The following RGL1 variants were observed in gnomAD, a reference collection of about 807,000 sequenced individuals.
RGL1 encodes ral guanine nucleotide dissociation stimulator like 1, also known as ral guanine nucleotide dissociation stimulator-like 1.
Under a neutral mutation model 95.2 loss-of-function variants are expected in RGL1, and 24 were observed. The observed-to-expected ratio is 0.25, with a 90% CI of 0.18 to 0.35. RGL1 has a LOEUF of 0.35. Ranked by LOEUF, RGL1 falls within the 10% of genes least tolerant of loss-of-function variation. The pLI, the probability that RGL1 is intolerant of heterozygous loss-of-function variation, is 1.00. For synonymous variants in RGL1, 329 were observed against 344.9 expected (o/e 0.95, Z 0.51); for missense variants, 715 against 936.3 (o/e 0.76, Z 3.08).
At chr1:183,680,328 T>C (rs754938126) in intron 1 of RGL1, among the ~76,000 whole-genome samples, 9 of 152,332 alleles carry the variant, frequency 5.9e-5, no homozygotes, top group Non-Finnish European at 1.3e-4. Flanking sequence ...TAGGTTTTCT[T>C]CTAGGGTTTT....
At chr1:183,915,507 T>G (rs1457818363) in intron 15 of RGL1, among the ~76,000 whole-genome samples, 5 of 152,236 alleles carry the variant, frequency 3.3e-5, no homozygotes, top group Non-Finnish European at 7.3e-5. Flanking sequence ...TAATTGTCCT[T>G]GATACACATC....
intron 1 of RGL1, among the ~76,000 whole-genome samples, chr1:183,702,808 G>T (rs139747598): frequency 6.6e-6 from 1 of 152,158 alleles, no homozygotes; most frequent in Non-Finnish European, 1.5e-5. Context: ...CCCTGAAAGC[G>T]CACCAACGAA....
chr1:183,708,572 T>A (rs1655065037), intron 1 of RGL1, among the ~76,000 whole-genome samples: 1 of 152,192 alleles, frequency 6.6e-6, no homozygotes, highest in African/African-American at 2.4e-5. Context: ...ACCAAGCTCC[T>A]GCCCAGCCTA....
At chr1:183,728,181 G>C (rs1270103750) in intron 1 of RGL1, among the ~76,000 whole-genome samples, 1 of 152,146 alleles carries the variant, frequency 6.6e-6, no homozygotes, top group African/African-American at 2.4e-5. Flanking sequence ...ACTTGAACTG[G>C]AACGTATATC....
At chr1:183,763,294 G>A (rs886982319) in intron 2 of RGL1, among the ~76,000 whole-genome samples, 13 of 152,178 alleles carry the variant, frequency 8.5e-5, no homozygotes, top group East Asian at 3.9e-4. Context: ...TGTAGATGAC[G>A]GGTTGATGGG....
exon 2 of RGL1, chr1:183,742,168 A>C: frequency 6.2e-7 from 1 of 1,614,032 alleles, no homozygotes; most frequent in Non-Finnish European, 8.5e-7. Context: ...ATGGAGGTGA[A>C]ACCTGTGGGA....
intron 2 of RGL1, among the ~76,000 whole-genome samples, chr1:183,773,015 C>CAAAAAAAAAAAAAAAAA (rs60100787): frequency 4.1e-5 from 3 of 72,444 alleles, no homozygotes; most frequent in African/African-American, 9.3e-5. Flanking sequence ...GACTCCGTCT[C>CAAAAAAAAAAAAAAAAA]AAAAAAAAAA....
intron 3 of RGL1, among the ~76,000 whole-genome samples, chr1:183,850,869 G>A (rs1664787716): frequency 6.6e-6 from 1 of 152,146 alleles, no homozygotes; most frequent in Non-Finnish European, 1.5e-5. Flanking sequence ...TTTGGAATTG[G>A]TAACCTCTTC....
intron 1 of RGL1, among the ~76,000 whole-genome samples, chr1:183,731,016 C>A (rs1572341698): frequency 6.6e-6 from 1 of 152,064 alleles, no homozygotes; most frequent in Non-Finnish European, 1.5e-5. Context: ...TTAAGTTTTG[C>A]AAGTGTATAA....
At chr1:183,893,986 G>C (rs1667558486) in intron 9 of RGL1, among the ~76,000 whole-genome samples, 1 of 152,222 alleles carries the variant, frequency 6.6e-6, no homozygotes, top group Non-Finnish European at 1.5e-5. Flanking sequence ...GGTGATATGA[G>C]AAGGGCAGTA....
intron 3 of RGL1, among the ~76,000 whole-genome samples, chr1:183,848,540 G>T (rs186247467): frequency 2.0e-5 from 3 of 152,102 alleles, no homozygotes; most frequent in Admixed American, 6.6e-5. Context: ...AATGAGATAC[G>T]GCTTTCTGTT....
chr1:183,885,002 G>A lies in RGL1; in HGVS notation c.951+64G>A, dbSNP rs1007495715. The A allele has an allele frequency of 9.2e-5, 125 of 1,360,522 alleles. No individual in the cohort carries two copies. In the African/African-American group the frequency reaches 1.0e-3, roughly 11 times the overall value. The allele number at this position is 1,360,522 out of a possible 1,614,324, so 84.3% of individuals were successfully genotyped here. A position where few individuals can be genotyped will look rare whatever the true frequency, so the allele number is the denominator to read the frequency against. ...ATGCAAGAGACTGCTCCATCACTTC[G>A]TTTAAATGGTTTAGCTGTTTGGTTG... is the stretch of plus-strand genomic sequence containing the variant. On this transcript the variant is annotated intron_variant, in intron 7 of 17. Transcript: ENST00000360851.
chr1:183,708,085 G>A (rs1442399471), intron 1 of RGL1, among the ~76,000 whole-genome samples: 1 of 152,158 alleles, frequency 6.6e-6, no homozygotes, highest in African/African-American at 2.4e-5. Context: ...TGGGCCATTT[G>A]GACCTGTTAT....
intron 10 of RGL1, 69 bp downstream of exon 10, chr1:183,897,966 A>G: frequency 1.5e-6 from 2 of 1,303,320 alleles, no homozygotes; most frequent in Non-Finnish European, 2.2e-6. Context: ...GGGCTCCCAC[A>G]TGGCACTGGC....
rs768301150 is a variant in RGL1, at chr1:183,866,008, G to C, written c.360G>C (p.Leu120=). Residue 120 remains leucine (L), a synonymous_variant, in exon 4 of 18, where the codon CTG becomes CTC. Coordinates refer to ENST00000360851, the MANE Select transcript of RGL1 (RefSeq NM_001297671.3). ...LELLLDRYGN[L]TSPNCEEDGS... ...ATTATCTCTACAGGTATGGAAACCT[G>C]ACAAGCCCAAACTGTGAAGAAGATG... is the stretch of plus-strand genomic sequence containing the variant. 1 of 1,613,734 alleles carries C rather than the reference G, an allele frequency of 6.2e-7. No homozygotes were observed. Among genetic ancestry groups the C allele is most frequent in the South Asian group, 1.1e-5 (1 of 91,046 alleles).
chr1:183,699,084 G>A (rs1355505492), intron 1 of RGL1, among the ~76,000 whole-genome samples: 2 of 152,252 alleles, frequency 1.3e-5, no homozygotes, highest in Admixed American at 6.5e-5. Context: ...AGTCTTGGGT[G>A]CTGTGAGCTG....
At chr1:183,828,545 T>C (rs1663041561) in intron 2 of RGL1, among the ~76,000 whole-genome samples, 1 of 152,206 alleles carries the variant, frequency 6.6e-6, no homozygotes, top group South Asian at 2.1e-4. Flanking sequence ...CTGAGGGATC[T>C]GGGTTCTGTC....
chr1:183,665,475 T>C (rs978013023), intron 1 of RGL1, among the ~76,000 whole-genome samples: 6 of 152,204 alleles, frequency 3.9e-5, no homozygotes, highest in African/African-American at 1.4e-4. Context: ...ATATTTTCCT[T>C]AAATTTTTGG....
At chr1:183,790,307 C>T (rs752485613) in intron 2 of RGL1, among the ~76,000 whole-genome samples, 61 of 152,172 alleles carry the variant, frequency 4.0e-4, no homozygotes, top group Non-Finnish European at 8.2e-4. Flanking sequence ...GACACAATCC[C>T]AGTAGGTCCA....
Sources: gnomAD v4.1 joint callset for allele counts (sites outside exome capture counted in the v4.1 genomes callset) on GRCh38, gnomAD v4.1.1 for gene constraint, MANE v1.5 for transcripts, NCBI Gene and HGNC (gene_info 2026-07-23, HGNC 2026-07-21) for gene names.